SIPA1L2: variants seen among roughly 807,000 people sequenced by gnomAD.
SIPA1L2 encodes signal-induced proliferation-associated 1-like protein 2.
Under a neutral mutation model 163.9 loss-of-function variants are expected in SIPA1L2, and 56 were observed. The observed-to-expected ratio is 0.34, with a 90% CI of 0.28 to 0.43. SIPA1L2 has a LOEUF of 0.43. SIPA1L2 is among the 20% of genes least tolerant of loss of function. SIPA1L2 has a pLI of 1.00. For missense variants in SIPA1L2, 1,974 were observed against 2,193.5 expected, an observed-to-expected ratio of 0.90 and a Z score of 2.00; for synonymous variants, 877 against 865.7, an observed-to-expected ratio of 1.01 and a Z score of -0.23.
chr1:232,460,423 TC>T (rs1664170037), intron 10 of SIPA1L2, among the ~76,000 whole-genome samples: 1 of 152,206 alleles, frequency 6.6e-6, no homozygotes, highest in South Asian at 2.1e-4. Flanking sequence ...CCTGTGCTGT[TC>T]CAACATTCTT....
chr1:232,536,990 C>T (rs1158276920), intron 2 of SIPA1L2, among the ~76,000 whole-genome samples: 5 of 152,172 alleles, frequency 3.3e-5, no homozygotes, highest in Non-Finnish European at 5.9e-5. Flanking sequence ...AATCTTAGCA[C>T]TTTGGGAGGC....
At chr1:232,431,967 T>C (rs185262433) in intron 16 of SIPA1L2, among the ~76,000 whole-genome samples, 5 of 152,382 alleles carry the variant, frequency 3.3e-5, no homozygotes, top group East Asian at 1.9e-4. Context: ...ATAGAGACGC[T>C]ATACTCACAC....
At position 232,441,771 on chromosome 1, in the gene SIPA1L2, G is replaced by A. The variant is rs372248370; in HGVS notation, c.3535C>T (p.Pro1179Ser). The A allele has an allele frequency of 4.3e-6, 7 of 1,613,526 alleles. No individual in the cohort carries two copies. Among genetic ancestry groups the A allele is most frequent in the Non-Finnish European group, 5.9e-6 (7 of 1,179,706 alleles). The change falls in exon 13 of 23, where the codon CCG becomes TCG. Residue 1179 changes from proline (P) to serine (S), a missense_variant. Physicochemically the swap from Pro to Ser is moderately conservative, Grantham distance 74 (BLOSUM62 -1). Coordinates refer to ENST00000674635, the MANE Select transcript of SIPA1L2 (RefSeq NM_020808.5). The stretch of plus-strand genomic sequence containing the variant: ...ATTTCCAGGAGTTCCTTATTACCCG[G>A]GTGCCTGCTTGCTTCCATGGTGTCT... Reference protein sequence around the residue: ...REDTMEASRHPETKWHGPPSK... With the variant: ...REDTMEASRHSETKWHGPPSK...
At chr1:232,625,985 G>A (rs1345553074) in intron 1 of SIPA1L2, among the ~76,000 whole-genome samples, 1 of 152,134 alleles carries the variant, frequency 6.6e-6, no homozygotes, top group Non-Finnish European at 1.5e-5. Flanking sequence ...GTGTCTGTGT[G>A]GGGATAGATA....
At chr1:232,468,052 C>G (rs936262000) in intron 8 of SIPA1L2, among the ~76,000 whole-genome samples, 7 of 152,186 alleles carry the variant, frequency 4.6e-5, no homozygotes, top group African/African-American at 1.7e-4. Flanking sequence ...AGAATGTAAG[C>G]ATGGCTATTC....
At chr1:232,609,517 T>C (rs1203760069) in intron 1 of SIPA1L2, among the ~76,000 whole-genome samples, 1 of 151,508 alleles carries the variant, frequency 6.6e-6, no homozygotes, top group East Asian at 1.9e-4. Flanking sequence ...CAAACCTGAG[T>C]AGATAAATTA....
intron 12 of SIPA1L2, 90 bp downstream of exon 12, chr1:232,443,512 A>G (rs963434617): frequency 5.2e-6 from 5 of 958,232 alleles, no homozygotes; most frequent in African/African-American, 5.0e-5. Flanking sequence ...ACATGGCCCC[A>G]GGTACAGAAG....
intron 19 of SIPA1L2, among the ~76,000 whole-genome samples, chr1:232,404,906 G>A (rs1660553102): frequency 6.6e-6 from 1 of 152,148 alleles, no homozygotes; most frequent in Non-Finnish European, 1.5e-5. Context: ...GGAATCTGAG[G>A]TATACAGCAG....
At chr1:232,569,980 C>A (rs778733174) in intron 2 of SIPA1L2, among the ~76,000 whole-genome samples, 3 of 152,072 alleles carry the variant, frequency 2.0e-5, no homozygotes, top group African/African-American at 7.2e-5. Context: ...GGGTGAAAGG[C>A]GGAAGGTAAA....
intron 1 of SIPA1L2, among the ~76,000 whole-genome samples, chr1:232,588,846 G>A (rs1432669236): frequency 6.6e-6 from 1 of 152,142 alleles, no homozygotes; most frequent in Non-Finnish European, 1.5e-5. Flanking sequence ...CTTAGTTTTG[G>A]AAAATAGTTA....
At chr1:232,590,013 C>T (rs1249573540) in intron 1 of SIPA1L2, among the ~76,000 whole-genome samples, 1 of 152,186 alleles carries the variant, frequency 6.6e-6, no homozygotes, top group Non-Finnish European at 1.5e-5. Flanking sequence ...AGGAAGTCAT[C>T]GCTCTATCTC....
intron 3 of SIPA1L2, among the ~76,000 whole-genome samples, chr1:232,513,107 C>A (rs1393647343): frequency 6.6e-6 from 1 of 152,214 alleles, no homozygotes; most frequent in African/African-American, 2.4e-5. Flanking sequence ...GCATGTGTTA[C>A]TGACACATGT....
rs752709712 is a variant in SIPA1L2 at position 232,464,828 on chromosome 1, A to G, written c.2820+12T>C. 104 of 1,555,696 alleles carry G rather than the reference A, an allele frequency of 6.7e-5. No individual in the cohort carries two copies. Among genetic ancestry groups the G allele is most frequent in the Non-Finnish European group, 8.2e-5 (95 of 1,152,288 alleles). ...CATAAGGATGGCGGGAAAATAGAAAACATGTACTTACTACTAATCGCTGAA... is the reference window on the plus strand; with the variant it reads ...CATAAGGATGGCGGGAAAATAGAAAGCATGTACTTACTACTAATCGCTGAA... On this transcript the variant is annotated intron_variant, in intron 9 of 22. Transcript: ENST00000674635.
upstream of SIPA1L2, among the ~76,000 whole-genome samples, chr1:232,630,332 C>G (rs574622415): frequency 6.6e-6 from 1 of 151,972 alleles, no homozygotes; most frequent in African/African-American, 2.4e-5. Flanking sequence ...CGCGCGGGAG[C>G]TGCGCGTCCA....
At chr1:232,617,582 A>C (rs1174316298) in intron 1 of SIPA1L2, among the ~76,000 whole-genome samples, 1 of 152,218 alleles carries the variant, frequency 6.6e-6, no homozygotes, top group Non-Finnish European at 1.5e-5. Context: ...ACAAGAGTGC[A>C]TACTGCATGA....
At chr1:232,522,739 T>C (rs536360776) in intron 2 of SIPA1L2, among the ~76,000 whole-genome samples, 1 of 152,324 alleles carries the variant, frequency 6.6e-6, no homozygotes, top group East Asian at 1.9e-4. Flanking sequence ...CAAAGGATTA[T>C]TCTAAAGATT....
intron 8 of SIPA1L2, among the ~76,000 whole-genome samples, chr1:232,470,688 G>A (rs924196639): frequency 6.6e-6 from 1 of 152,058 alleles, no homozygotes; most frequent in Non-Finnish European, 1.5e-5. Context: ...ACTGAAGTAG[G>A]TACTATCATT....
intron 22 of SIPA1L2, among the ~76,000 whole-genome samples, chr1:232,399,856 C>T (rs1390697115): frequency 6.6e-6 from 1 of 152,258 alleles, no homozygotes; most frequent in Non-Finnish European, 1.5e-5. Flanking sequence ...CAGTTCCCCC[C>T]CTGCTGAAAG....
chr1:232,581,569 TG>T (rs1660376104), intron 1 of SIPA1L2, among the ~76,000 whole-genome samples: 1 of 152,226 alleles, frequency 6.6e-6, no homozygotes, highest in Non-Finnish European at 1.5e-5. Context: ...TTTCTTTTTT[TG>T]CTTAAGTTAC....
Sources: allele counts gnomAD v4.1 joint callset (sites outside exome capture counted in the v4.1 genomes callset), GRCh38; gene constraint gnomAD v4.1.1; transcripts MANE v1.5; gene names NCBI Gene and HGNC (gene_info 2026-07-23, HGNC 2026-07-21).